NKX6-3: variants seen among roughly 807,000 people sequenced by gnomAD.
NKX6-3 encodes homeobox protein Nkx-6.3.
In NKX6-3, 17 loss-of-function variants were observed where a neutral mutation model predicts 22.0. That is an observed-to-expected ratio of 0.77 (90% CI 0.53 to 1.16). NKX6-3 has a LOEUF of 1.16. Among genes scored for constraint, NKX6-3 ranks in the 50% most tolerant of loss-of-function variants. The pLI is 0.00. For missense variants in NKX6-3, 363 were observed against 359.0 expected (o/e 1.01, Z -0.09); for synonymous variants, 177 against 167.2 (o/e 1.06, Z -0.45).
At chr8:41,649,655 G>A (rs191159683) in intron 1 of NKX6-3, among the ~76,000 whole-genome samples, 4 of 152,370 alleles carry the variant, frequency 2.6e-5, no homozygotes, top group African/African-American at 7.2e-5. Flanking sequence ...GGGTCAGGGT[G>A]CGTTCTGCAC....
intron 1 of NKX6-3, among the ~76,000 whole-genome samples, chr8:41,648,729 C>G (rs1023092942): frequency 6.6e-6 from 1 of 152,244 alleles, no homozygotes; most frequent in Non-Finnish European, 1.5e-5. Flanking sequence ...CTGCCACTTC[C>G]CCATGTCACC....
chr8:41,648,066 C>G lies in NKX6-3; in HGVS notation c.552G>C (p.Lys184Asn). Residue 184 changes from lysine (K) to asparagine (N), a missense_variant and splice_region_variant, in exon 2 of 3, where the codon AAG becomes AAC. Physicochemically the swap from Lys to Asn is moderately conservative, Grantham distance 94. Coordinates refer to ENST00000518699, the MANE Select transcript of NKX6-3 (RefSeq NM_001364841.2). ...GGTGCCATCTCCCGCACAGACTTAC[C>G]TTGACCTGCGACTCGGTCATGCCCA... ...YSLGMTESQVKVWFQNRRTKW... is the reference protein window; with the variant it reads ...YSLGMTESQVNVWFQNRRTKW... 1.3e-6 allele frequency: 2 copies of G among 1,532,920 alleles called. No individual in the cohort carries two copies. Among genetic ancestry groups the G allele is most frequent in the Non-Finnish European group, 1.7e-6 (2 of 1,144,426 alleles). The allele number at this position is 1,532,920 out of a possible 1,614,324, so 95.0% of individuals were successfully genotyped here. A position where few individuals can be genotyped will look rare whatever the true frequency, so the allele number is the denominator to read the frequency against.
intron 1 of NKX6-3, among the ~76,000 whole-genome samples, chr8:41,649,291 G>T (rs907411963): frequency 6.6e-6 from 1 of 152,138 alleles, no homozygotes; most frequent in Non-Finnish European, 1.5e-5. Flanking sequence ...CCCCATTGGC[G>T]TAGGAGAGCC....
At chr8:41,647,086 T>C in intron 2 of NKX6-3, 1 of 1,263,152 alleles carries the variant, frequency 7.9e-7, no homozygotes, top group Non-Finnish European at 1.1e-6. Context: ...GTCCCTACTC[T>C]GGGCTTCATA....
chr8:41,647,475 G>T, intron 2 of NKX6-3: 2 of 1,005,650 alleles, frequency 2.0e-6, no homozygotes, highest in Non-Finnish European at 2.8e-6. Flanking sequence ...GGGCCCCTGC[G>T]TGTGGAGTGG....
chr8:41,649,991 T>C, intron 1 of NKX6-3, 120 bp downstream of exon 1: 1 of 1,094,896 alleles, frequency 9.1e-7, no homozygotes, highest in Non-Finnish European at 1.3e-6. Context: ...AGTCCAGGGG[T>C]TAATGGCGAC....
At position 41,650,576 on chromosome 8, in the gene NKX6-3, C is replaced by T; in HGVS notation, c.-84G>A. On this transcript the variant is annotated 5_prime_UTR_variant, in exon 1 of 3. Transcript: ENST00000518699. ...CTCTAGCCCCAAATCTCATGGCAGGCCTGGAGGCTTAGGACCGTCTCCGAG... is the reference window on the plus strand; with the variant it reads ...CTCTAGCCCCAAATCTCATGGCAGGTCTGGAGGCTTAGGACCGTCTCCGAG... 1 of 1,390,122 alleles carries T rather than the reference C, an allele frequency of 7.2e-7. No homozygotes were observed. Among genetic ancestry groups the T allele is most frequent in the Non-Finnish European group, 9.7e-7 (1 of 1,036,060 alleles). 86.1% of individuals were successfully genotyped at this position (1,390,122 alleles called of 1,614,324 possible). A position where few individuals can be genotyped will look rare whatever the true frequency, so the allele number is the denominator to read the frequency against.
At chr8:41,647,095 T>C in intron 2 of NKX6-3, 4 of 1,361,282 alleles carry the variant, frequency 2.9e-6, no homozygotes, top group South Asian at 2.5e-5. Flanking sequence ...CTGGGCTTCA[T>C]AGACCCTCAC....
At position 41,650,671 on chromosome 8, in the gene NKX6-3, C is replaced by G; in HGVS notation, c.-179G>C. On this transcript the variant is annotated 5_prime_UTR_variant, in exon 1 of 3. Transcript: ENST00000518699. The stretch of plus-strand genomic sequence containing the variant: ...AGGAACCGGCACCCGATCAGCTGCT[C>G]GGAAGTCAGGTGCTCGGGGCAGGTG... 2 of 636,196 alleles carry G rather than the reference C, an allele frequency of 3.1e-6. No homozygotes were observed. The highest frequency in any genetic ancestry group is 3.9e-5 in the South Asian group (2 of 50,680). The allele number at this position is 636,196 out of a possible 1,614,324, so 39.4% of individuals were successfully genotyped here. A position where few individuals can be genotyped will look rare whatever the true frequency, so the allele number is the denominator to read the frequency against.
rs1376802361 is a variant in NKX6-3 at position 41,650,163 on chromosome 8, G to A, written c.330C>T (p.Asn110=). 6.5e-7 allele frequency: 1 copy of A among 1,535,530 alleles called. No homozygotes were observed. The highest frequency in any genetic ancestry group is 1.4e-5 in the African/African-American group (1 of 73,018). The change falls in exon 1 of 3, where the codon AAC becomes AAT. Residue 110 remains asparagine (N), a synonymous_variant. Transcript: ENST00000518699. ...AGNEYPTRTR[N]CWADTGQDWR... Reference sequence around the variant, plus strand: ...AGTCTTGGCCCGTGTCCGCCCAGCAGTTCCGGGTCCGGGTCGGGTACTCGT... The same window carrying A: ...AGTCTTGGCCCGTGTCCGCCCAGCAATTCCGGGTCCGGGTCGGGTACTCGT...
intron 1 of NKX6-3, among the ~76,000 whole-genome samples, chr8:41,648,909 G>T (rs1405850565): frequency 6.6e-6 from 1 of 152,244 alleles, no homozygotes; most frequent in Non-Finnish European, 1.5e-5. Context: ...TACAGGTGAG[G>T]AAACTGAGGC....
rs1804287089 is a variant in NKX6-3 at position 41,650,144 on chromosome 8, G to A, written c.349C>T (p.Gln117Ter). The A allele has an allele frequency of 6.5e-7, 1 of 1,535,566 alleles. No homozygotes were observed. Among genetic ancestry groups the A allele is most frequent in the Non-Finnish European group, 8.7e-7 (1 of 1,146,630 alleles). Residue 117 changes from glutamine to a stop codon, truncating the protein, a stop_gained, in exon 1 of 3, where the codon CAA becomes TAA. Transcript: ENST00000518699. LOFTEE classifies it high-confidence loss of function. ...CACTGCCGCCCGCCTCGCCAGTCTT[G>A]GCCCGTGTCCGCCCAGCAGTTCCGG... ...RTRNCWADTG[Q>*]DWRGGRQCSN...
rs2150518872 is a variant in NKX6-3 at position 41,646,457 on chromosome 8, T to A, written c.790A>T (p.Ser264Cys). ...AFSVLSLGAH[S>C]V ...GGCCTGGACGGCGGGCGTCAGACGC[T>A]GTGCGCTCCCAGGCTGAGCACCGAG... is the stretch of plus-strand genomic sequence containing the variant. Residue 264 changes from serine (S) to cysteine (C), a missense_variant, in exon 3 of 3, where the codon AGC becomes TGC. By Grantham distance (112) the Ser-to-Cys change is moderately radical. Coordinates refer to ENST00000518699, the MANE Select transcript of NKX6-3 (RefSeq NM_001364841.2). 3.1e-6 allele frequency: 5 copies of A among 1,599,102 alleles called. No homozygotes were observed. Among genetic ancestry groups the A allele is most frequent in the African/African-American group, 1.3e-5 (1 of 74,814 alleles).
chr8:41,646,552 T>C lies in NKX6-3; in HGVS notation c.695A>G (p.Asn232Ser). The C allele has an allele frequency of 6.2e-7, 1 of 1,610,626 alleles. No individual in the cohort carries two copies. Among genetic ancestry groups the C allele is most frequent in the Non-Finnish European group, 8.5e-7 (1 of 1,178,716 alleles). Residue 232 changes from asparagine (N) to serine (S), a missense_variant, in exon 3 of 3, where the codon AAC becomes AGC. By Grantham distance (46) the Asn-to-Ser change is conservative. Around this residue, in one of 3 missense-constraint regions of NKX6-3, gnomAD observed 169 missense variants for 155.8 expected, o/e 1.08. Transcript: ENST00000518699. ...GTCCGAGTCGGGGTCCAGCGGCTTG[T>C]TGTACTCGTCGTCCTCGTTCTCCGA... ...APSENEDDEY[N>S]KPLDPDSDDE...
chr8:41,646,273 C>A lies in NKX6-3; in HGVS notation c.*176G>T. The A allele has an allele frequency of 1.2e-6, 1 of 829,402 alleles. No individual in the cohort carries two copies. Among genetic ancestry groups the A allele is most frequent in the Admixed American group, 2.9e-5 (1 of 34,500 alleles). The allele number at this position is 829,402 out of a possible 1,614,324, so 51.4% of individuals were successfully genotyped here. A position where few individuals can be genotyped will look rare whatever the true frequency, so the allele number is the denominator to read the frequency against. On this transcript the variant is annotated 3_prime_UTR_variant, in exon 3 of 3. Coordinates refer to ENST00000518699, the MANE Select transcript of NKX6-3 (RefSeq NM_001364841.2). ...TCCCCTTTCCCTCCTTTTCCTCCTC[C>A]TCCCCCGCCTCCCCTCCTCCTCCCC...
chr8:41,649,047 G>T (rs1804264078), intron 1 of NKX6-3, among the ~76,000 whole-genome samples: 1 of 152,222 alleles, frequency 6.6e-6, no homozygotes, highest in South Asian at 2.1e-4. Context: ...GAGGTGGTGT[G>T]TGGGATGTGG....
At chr8:41,647,443 G>A in intron 2 of NKX6-3, 14 of 1,282,982 alleles carry the variant, frequency 1.1e-5, no homozygotes, top group Non-Finnish European at 1.4e-5. Context: ...CGGTTTCCCC[G>A]GGTCTATTTA....
intron 1 of NKX6-3, among the ~76,000 whole-genome samples, chr8:41,648,477 A>G (rs962418132): frequency 3.3e-5 from 5 of 152,184 alleles, no homozygotes; most frequent in Admixed American, 6.5e-5. Context: ...ACTTAGGGGC[A>G]GCAGAGCCTC....
intron 2 of NKX6-3, chr8:41,647,052 C>A: frequency 1.1e-6 from 1 of 887,842 alleles, no homozygotes; most frequent in South Asian, 1.5e-5. Context: ...AGCCCCGGTG[C>A]TCATTGGAAG....
Sources: gnomAD v4.1 joint callset for allele counts (sites outside exome capture counted in the v4.1 genomes callset) on GRCh38, gnomAD v4.1.1 for gene constraint, gnomAD v4.1.1 regional missense constraint, MANE v1.5 for transcripts, NCBI Gene and HGNC (gene_info 2026-07-23, HGNC 2026-07-21) for gene names.